Variants in TRDN observed in about 807,000 individuals in gnomAD.
The protein encoded by TRDN is triadin in skeletal muscle.
A neutral mutation model predicts 149.7 loss-of-function variants in TRDN; 161 were observed. The ratio of observed to expected loss-of-function variants is 1.08; its 90% CI spans 0.95 to 1.23. The LOEUF (loss-of-function observed/expected upper bound fraction) is 1.23, where lower values mean the gene tolerates loss of function less well. Ranked by LOEUF, TRDN falls within the 50% of genes most tolerant of loss-of-function variation. The probability of loss-of-function intolerance (pLI) is 0.00; values close to 1 mark genes in which losing one functional copy is unlikely to be tolerated. For missense variants in TRDN, 896 were observed against 823.5 expected, an observed-to-expected ratio of 1.09 and a Z score of -1.08; for synonymous variants, 294 against 250.5, an observed-to-expected ratio of 1.17 and a Z score of -1.64.
At chr6:123,400,912 T>C (rs1328797535) in intron 12 of TRDN, among the ~76,000 whole-genome samples, 1 of 152,070 alleles carries the variant, frequency 6.6e-6, no homozygotes, top group African/African-American at 2.4e-5. Flanking sequence ...CCTCTGAAAA[T>C]ATAACGTAAT....
intron 21 of TRDN, among the ~76,000 whole-genome samples, chr6:123,339,358 T>C (rs967123461): frequency 1.3e-5 from 2 of 152,148 alleles, no homozygotes; most frequent in African/African-American, 4.8e-5. Flanking sequence ...GAATGGTTCT[T>C]AGAGTTCTTA....
At chr6:123,232,104 G>A (rs1437030838) in intron 38 of TRDN, among the ~76,000 whole-genome samples, 1 of 151,920 alleles carries the variant, frequency 6.6e-6, no homozygotes, top group African/African-American at 2.4e-5. Context: ...AAACTGGATG[G>A]CCCCACTGAG....
At chr6:123,404,680 G>A (rs911492587) in intron 12 of TRDN, among the ~76,000 whole-genome samples, 5 of 151,886 alleles carry the variant, frequency 3.3e-5, no homozygotes, top group African/African-American at 1.2e-4. Context: ...CTTGACCTCA[G>A]GTGATCCACT....
Position 123,564,373 on chromosome 6 carries a change from T to C in TRDN, c.232+6550A>G, listed in dbSNP as rs184680724. Among the ~76,000 whole-genome samples the C allele has an allele frequency of 5.1e-4, 78 of 152,340 alleles. No homozygotes were observed. In the East Asian group the frequency reaches 9.3e-3, roughly 18 times the overall value. ...TTGCATTTAGTGTTTCAGTCTTCCA[T>C]GTTTCCTAAAAAGTAATAACATATT... On this transcript the variant is annotated intron_variant, in intron 2 of 40. Transcript: ENST00000334268.
At chr6:123,610,139 G>T (rs770143516) in intron 1 of TRDN, among the ~76,000 whole-genome samples, 10 of 152,158 alleles carry the variant, frequency 6.6e-5, no homozygotes, top group Non-Finnish European at 1.2e-4. Flanking sequence ...GCTATTAAGA[G>T]TCTCCAAAAT....
At chr6:123,311,538 A>G (rs1302865390) in intron 24 of TRDN, among the ~76,000 whole-genome samples, 2 of 150,104 alleles carry the variant, frequency 1.3e-5, no homozygotes, top group African/African-American at 4.9e-5. Context: ...GCCACCCACA[A>G]CTCTCTTGAG....
intron 12 of TRDN, among the ~76,000 whole-genome samples, chr6:123,434,962 A>G (rs1210775118): frequency 6.6e-6 from 1 of 151,918 alleles, no homozygotes; most frequent in African/African-American, 2.4e-5. Context: ...CAACTTCCCC[A>G]GAGATCACTG....
chr6:123,591,907 A>G (rs1783803227), intron 1 of TRDN, among the ~76,000 whole-genome samples: 2 of 152,338 alleles, frequency 1.3e-5, no homozygotes, highest in South Asian at 4.1e-4. Context: ...TAAAAAGCTC[A>G]CACAGTTTTA....
At chr6:123,618,787 G>T (rs576546185) in intron 1 of TRDN, among the ~76,000 whole-genome samples, 3 of 152,210 alleles carry the variant, frequency 2.0e-5, no homozygotes, top group African/African-American at 7.2e-5. Flanking sequence ...CAAGTTGTGT[G>T]ACAACCTTAG....
At chr6:123,421,074 T>C (rs1773878607) in intron 12 of TRDN, among the ~76,000 whole-genome samples, 1 of 152,226 alleles carries the variant, frequency 6.6e-6, no homozygotes, top group African/African-American at 2.4e-5. Context: ...CACAAAATTC[T>C]CTGAGGAAAT....
chr6:123,452,104 A>G (rs1775811919), intron 10 of TRDN, among the ~76,000 whole-genome samples: 1 of 152,164 alleles, frequency 6.6e-6, no homozygotes, highest in Non-Finnish European at 1.5e-5. Flanking sequence ...ACCTTAATGT[A>G]ATAAAAGCTT....
At chr6:123,381,970 T>TCG (rs914687120) in intron 15 of TRDN, 148 bp downstream of exon 15, 14 of 540,634 alleles carry the variant, frequency 2.6e-5, no homozygotes, top group Admixed American at 4.3e-5. Flanking sequence ...TCTCTCTCTC[T>TCG]CTCTCTCTCT....
At chr6:123,613,810 A>C (rs2114687341) in intron 1 of TRDN, among the ~76,000 whole-genome samples, 1 of 152,312 alleles carries the variant, frequency 6.6e-6, no homozygotes, top group African/African-American at 2.4e-5. Flanking sequence ...CATAACAATG[A>C]ATATGAGTTG....
At chr6:123,412,620 G>A (rs1773488660) in intron 12 of TRDN, among the ~76,000 whole-genome samples, 1 of 152,140 alleles carries the variant, frequency 6.6e-6, no homozygotes, top group Non-Finnish European at 1.5e-5. Flanking sequence ...GTCTCTTAAT[G>A]TTCTGTAAGC....
intron 10 of TRDN, chr6:123,464,256 G>A (rs1395959946): frequency 8.1e-6 from 8 of 984,232 alleles, no homozygotes; most frequent in Non-Finnish European, 9.7e-6. Context: ...TGACTTTAAC[G>A]TTCCAGCAAA....
intron 1 of TRDN, among the ~76,000 whole-genome samples, chr6:123,632,064 T>C (rs552467778): frequency 6.6e-6 from 1 of 152,216 alleles, no homozygotes; most frequent in Non-Finnish European, 1.5e-5. Flanking sequence ...GTTGTTTGTT[T>C]GAATCATGAT....
At chr6:123,243,717 A>G (rs1222190299) in intron 38 of TRDN, among the ~76,000 whole-genome samples, 3 of 152,174 alleles carry the variant, frequency 2.0e-5, no homozygotes, top group Non-Finnish European at 1.5e-5. Flanking sequence ...AGAATCTCAG[A>G]ACTTGAAAAC....
At chr6:123,279,232 A>G (rs1777494478) in intron 24 of TRDN, 150 bp from the exon 25 acceptor site, 2 of 639,648 alleles carry the variant, frequency 3.1e-6, no homozygotes, top group Non-Finnish European at 4.9e-6. Flanking sequence ...TAGAATGTGT[A>G]ACTTATGGCT....
intron 24 of TRDN, among the ~76,000 whole-genome samples, chr6:123,306,767 T>G (rs1285816559): frequency 6.6e-6 from 1 of 152,084 alleles, no homozygotes; most frequent in Non-Finnish European, 1.5e-5. Flanking sequence ...CCACCCAGTC[T>G]GCAGGTATGT....
Sources: allele counts gnomAD v4.1 joint callset (sites outside exome capture counted in the v4.1 genomes callset), GRCh38; gene constraint gnomAD v4.1.1; transcripts MANE v1.5; gene names NCBI Gene and HGNC (gene_info 2026-07-23, HGNC 2026-07-21).